Variants in DIAPH2 observed in about 807,000 individuals in gnomAD.
DIAPH2 encodes the protein diaphanous related formin 2, also known as protein diaphanous homolog 2.
A neutral mutation model predicts 92.7 loss-of-function variants in DIAPH2; 35 were observed. That is an observed-to-expected ratio of 0.38 (90% CI 0.29 to 0.50). The LOEUF (loss-of-function observed/expected upper bound fraction) is 0.50, where lower values mean the gene tolerates loss of function less well. Ranked by LOEUF, DIAPH2 falls within the 20% of genes least tolerant of loss-of-function variation. The probability of loss-of-function intolerance (pLI) is 0.94; values close to 1 mark genes in which losing one functional copy is unlikely to be tolerated. For missense variants in DIAPH2, 701 were observed against 819.5 expected (o/e 0.86, Z 1.77); for synonymous variants, 301 against 280.4 (o/e 1.07, Z -0.73).
chrX:97,398,693 A>T (rs1437951870), intron 25 of DIAPH2, among the ~76,000 whole-genome samples: 1 of 110,077 alleles, frequency 9.1e-6, no homozygotes, highest in Non-Finnish European at 1.9e-5. Flanking sequence ...AGGAAAAGAG[A>T]TCATGTGCCC....
chrX:96,720,553 G>A (rs2063983149), intron 1 of DIAPH2, among the ~76,000 whole-genome samples: 1 of 111,275 alleles, frequency 9.0e-6, no homozygotes, highest in African/African-American at 3.3e-5. Context: ...ATACAGTTTG[G>A]GGATTATTTT....
intron 26 of DIAPH2, among the ~76,000 whole-genome samples, chrX:97,485,585 A>G (rs1169894800): frequency 1.8e-5 from 2 of 112,947 alleles, no homozygotes; most frequent in African/African-American, 6.4e-5. Context: ...TGAATTCTTC[A>G]TTGTTGTGCC....
At chrX:97,234,413 T>A (rs1228426320) in intron 22 of DIAPH2, among the ~76,000 whole-genome samples, 1 of 110,961 alleles carries the variant, frequency 9.0e-6, no homozygotes, top group African/African-American at 3.3e-5. Flanking sequence ...TTTCTCTCTG[T>A]TTCCATATCC....
At chrX:97,216,147 A>G (rs1184536348) in intron 22 of DIAPH2, among the ~76,000 whole-genome samples, 1 of 112,145 alleles carries the variant, frequency 8.9e-6, no homozygotes, top group East Asian at 2.8e-4. Context: ...TTATGTAAAT[A>G]CAGATACTAT....
At chrX:97,337,922 G>T (rs137994411) in intron 23 of DIAPH2, among the ~76,000 whole-genome samples, 7,367 of 105,883 alleles carry the variant, frequency 0.07, 289 homozygotes, top group Non-Finnish European at 0.11. Flanking sequence ...GCTCAGGCTG[G>T]AGTGCAGTGG....
At chrX:97,578,021 T>A (rs2071409406) in intron 26 of DIAPH2, among the ~76,000 whole-genome samples, 1 of 23,014 alleles carries the variant, frequency 4.3e-5, no homozygotes, top group South Asian at 0.015. Context: ...TGAACCAGAT[T>A]AGTCTTGTTT....
intron 26 of DIAPH2, among the ~76,000 whole-genome samples, chrX:97,562,837 C>G (rs1396928680): frequency 8.9e-6 from 1 of 112,004 alleles, no homozygotes; most frequent in Non-Finnish European, 1.9e-5. Flanking sequence ...TCCAACACCA[C>G]CACTTTGTGG....
chrX:96,772,801 G>T (rs1015394569), intron 4 of DIAPH2, among the ~76,000 whole-genome samples: 1 of 112,684 alleles, frequency 8.9e-6, no homozygotes, highest in Non-Finnish European at 1.9e-5. Context: ...TTAGTAACCT[G>T]TCATGGTTCT....
At chrX:97,304,726 G>A (rs1180162457) in intron 23 of DIAPH2, among the ~76,000 whole-genome samples, 2 of 112,051 alleles carry the variant, frequency 1.8e-5, no homozygotes, top group African/African-American at 6.5e-5. Flanking sequence ...AAAGGATGCT[G>A]TTGCATATAA....
At chrX:97,413,168 T>G (rs940058060) in intron 25 of DIAPH2, among the ~76,000 whole-genome samples, 1 of 111,566 alleles carries the variant, frequency 9.0e-6, no homozygotes, top group Non-Finnish European at 1.9e-5. Context: ...AAAATAGTGG[T>G]AAACCGAATC....
At chrX:96,696,386 A>G (rs1028245060) in intron 1 of DIAPH2, among the ~76,000 whole-genome samples, 1 of 112,588 alleles carries the variant, frequency 8.9e-6, no homozygotes, top group African/African-American at 3.2e-5. Flanking sequence ...ATCGAAATAG[A>G]TGATCTACAA....
At chrX:97,192,219 G>A (rs777108678) in intron 22 of DIAPH2, among the ~76,000 whole-genome samples, 5 of 103,429 alleles carry the variant, frequency 4.8e-5, no homozygotes, top group Non-Finnish European at 7.8e-5. Context: ...ACTTGAACCC[G>A]TGAGGCAGAG....
intron 26 of DIAPH2, among the ~76,000 whole-genome samples, chrX:97,559,932 G>A (rs2147868469): frequency 9.0e-6 from 1 of 111,709 alleles, no homozygotes; most frequent in South Asian, 3.8e-4. Flanking sequence ...AAACTTGTAT[G>A]GGGTTAGAGG....
intron 23 of DIAPH2, among the ~76,000 whole-genome samples, chrX:97,305,824 C>CAAAAAAAAAAAAAAA (rs754094514): frequency 6.1e-5 from 3 of 49,210 alleles, no homozygotes; most frequent in African/African-American, 2.2e-4. Flanking sequence ...ACTCCTTCTC[C>CAAAAAAAAAAAAAAA]AAAAAAAAAA....
intron 10 of DIAPH2, among the ~76,000 whole-genome samples, chrX:96,934,526 T>A (rs1447041409): frequency 9.0e-6 from 1 of 111,537 alleles, no homozygotes; most frequent in Non-Finnish European, 1.9e-5. Flanking sequence ...AGATCAACAC[T>A]GTAGTAGAGT....
At chrX:97,075,339 A>G (rs1405443414) in intron 19 of DIAPH2, 78 bp downstream of exon 19, 13 of 541,719 alleles carry the variant, frequency 2.4e-5, no homozygotes, top group Non-Finnish European at 2.3e-5. Flanking sequence ...GAGTTGTAAG[A>G]AAATTCTCTT....
intron 25 of DIAPH2, 71 bp downstream of exon 25, chrX:97,384,115 T>C (rs901033621): frequency 1.7e-4 from 156 of 923,433 alleles, no homozygotes; most frequent in Non-Finnish European, 2.2e-4. Context: ...TATTTTTGGA[T>C]TATAAAGTAA....
At chrX:97,515,975 C>T (rs1006558689) in intron 26 of DIAPH2, among the ~76,000 whole-genome samples, 4 of 111,214 alleles carry the variant, frequency 3.6e-5, no homozygotes, top group Admixed American at 1.9e-4. Flanking sequence ...GCCATAAGGC[C>T]GGGCACCGTG....
intron 26 of DIAPH2, among the ~76,000 whole-genome samples, chrX:97,473,484 G>A (rs1259975209): frequency 9.0e-6 from 1 of 110,967 alleles, no homozygotes; most frequent in Non-Finnish European, 1.9e-5. Context: ...ACAGACGCCC[G>A]CCACCATGCC....
Sources: allele counts gnomAD v4.1 joint callset (sites outside exome capture counted in the v4.1 genomes callset), GRCh38; gene constraint gnomAD v4.1.1; transcripts MANE v1.5; gene names NCBI Gene and HGNC (gene_info 2026-07-23, HGNC 2026-07-21).